The following PAX8 variants were observed in gnomAD, a reference collection of about 807,000 sequenced individuals.
PAX8 encodes the protein paired box protein Pax-8.
In PAX8, 15 loss-of-function variants were observed where a neutral mutation model predicts 52.4. The observed-to-expected ratio is 0.29, with a 90% CI of 0.19 to 0.44. PAX8 has a LOEUF of 0.44. PAX8 is among the 20% of genes least tolerant of loss of function. PAX8 has a pLI of 1.00. For missense variants in PAX8, 554 were observed against 602.5 expected, an observed-to-expected ratio of 0.92 and a Z score of 0.84; for synonymous variants, 284 against 249.7, an observed-to-expected ratio of 1.14 and a Z score of -1.29.
chr2:113,236,721 C>G lies in PAX8; in HGVS notation c.778G>C (p.Gly260Arg), dbSNP rs747927240. The change falls in exon 8 of 12, where the codon GGC becomes CGC. Residue 260 changes from glycine to arginine, a missense_variant and splice_region_variant. Coordinates refer to ENST00000429538, the MANE Select transcript of PAX8 (RefSeq NM_003466.4). ...TTGAGCAAGGGCAGCGGGTAGAGGC[C>G]CTGGGGAGCAAAGAGAAGTCAGCGC... Reference protein sequence around the residue: ...ASPSHTKGEQGLYPLPLLNST... With the variant: ...ASPSHTKGEQRLYPLPLLNST... 6.4e-7 allele frequency: 1 copy of G among 1,561,120 alleles called. No individual in the cohort carries two copies. Among genetic ancestry groups the G allele is most frequent in the South Asian group, 1.2e-5 (1 of 84,812 alleles).
intron 11 of PAX8, among the ~76,000 whole-genome samples, chr2:113,219,481 G>A (rs951296750): frequency 6.6e-6 from 1 of 152,232 alleles, no homozygotes; most frequent in African/African-American, 2.4e-5. Context: ...CAAGAGAGGG[G>A]TGAAGAGAAG....
chr2:113,253,281 C>T (rs925116377), intron 2 of PAX8, among the ~76,000 whole-genome samples: 9 of 152,190 alleles, frequency 5.9e-5, no homozygotes, highest in Non-Finnish European at 2.9e-5. Context: ...ATCCTACACA[C>T]CCTTATTGTC....
chr2:113,218,713 T>C (rs1689111478), intron 11 of PAX8, 104 bp from the exon 12 acceptor site: 3 of 683,906 alleles, frequency 4.4e-6, no homozygotes, highest in Non-Finnish European at 5.1e-6. Flanking sequence ...CACAAGTTAA[T>C]CATTCATTTC....
chr2:113,245,055 T>TTGTTG (rs1691201655), intron 3 of PAX8, among the ~76,000 whole-genome samples: 1 of 150,932 alleles, frequency 6.6e-6, no homozygotes, highest in Non-Finnish European at 1.5e-5. Flanking sequence ...GTTTTTTTTT[T>TTGTTG]TTGTTTTTTG....
At chr2:113,245,112 G>A (rs1224362792) in intron 3 of PAX8, among the ~76,000 whole-genome samples, 2 of 151,414 alleles carry the variant, frequency 1.3e-5, no homozygotes, top group Admixed American at 1.3e-4. Context: ...AATGGGACAA[G>A]CTTGGCTCAC....
At chr2:113,228,619 C>T (rs1042669225) in intron 9 of PAX8, among the ~76,000 whole-genome samples, 2 of 152,222 alleles carry the variant, frequency 1.3e-5, no homozygotes, top group Admixed American at 6.5e-5. Flanking sequence ...AGGGCAAAAT[C>T]GCTGCTGGCT....
intron 2 of PAX8, among the ~76,000 whole-genome samples, chr2:113,247,156 T>G (rs1008449325): frequency 1.3e-5 from 2 of 152,240 alleles, no homozygotes; most frequent in African/African-American, 4.8e-5. Flanking sequence ...AGGAGCACCT[T>G]GGGCTTGGGG....
At chr2:113,220,895 A>G (rs960943663) in intron 10 of PAX8, among the ~76,000 whole-genome samples, 1 of 152,112 alleles carries the variant, frequency 6.6e-6, no homozygotes, top group Non-Finnish European at 1.5e-5. Flanking sequence ...AAATCAGATC[A>G]CCTCCTTCTG....
At chr2:113,226,642 A>C in intron 10 of PAX8, 1 of 1,099,186 alleles carries the variant, frequency 9.1e-7, no homozygotes, top group Admixed American at 4.3e-5. Context: ...GATGTGAAGC[A>C]TATATTTCAT....
chr2:113,248,205 CAG>C (rs1203678230), intron 2 of PAX8, among the ~76,000 whole-genome samples: 1 of 152,206 alleles, frequency 6.6e-6, no homozygotes, highest in African/African-American at 2.4e-5. Context: ...GACTGGGGCT[CAG>C]AGAGTTTTAG....
intron 7 of PAX8, chr2:113,237,402 A>G (rs1320598037): frequency 1.3e-5 from 2 of 152,150 alleles, no homozygotes; most frequent in Admixed American, 6.5e-5. Flanking sequence ...AATTTTGTAT[A>G]GTGAAACAGA....
intron 3 of PAX8, 130 bp downstream of exon 3, chr2:113,246,624 C>T: frequency 9.7e-7 from 1 of 1,034,292 alleles, no homozygotes; most frequent in Admixed American, 1.8e-5. Flanking sequence ...CTGTTCAGGT[C>T]TCAGGACCAA....
chr2:113,234,817 C>T (rs541143499), intron 9 of PAX8, among the ~76,000 whole-genome samples: 2 of 152,326 alleles, frequency 1.3e-5, no homozygotes, highest in Admixed American at 6.5e-5. Context: ...CTCGCCCGGT[C>T]GGTGCTTCCA....
At chr2:113,277,516 C>A (rs1693906495) in intron 2 of PAX8, among the ~76,000 whole-genome samples, 1 of 152,230 alleles carries the variant, frequency 6.6e-6, no homozygotes. Context: ...GCCCTGGCCC[C>A]ATAAATCGCC....
At chr2:113,222,312 G>T (rs1320705081) in intron 10 of PAX8, among the ~76,000 whole-genome samples, 6 of 152,210 alleles carry the variant, frequency 3.9e-5, no homozygotes, top group African/African-American at 1.4e-4. Flanking sequence ...GAGGACAAGG[G>T]AGAGAGGTGG....
chr2:113,224,199 A>G (rs1398818502), intron 10 of PAX8, among the ~76,000 whole-genome samples: 1 of 152,164 alleles, frequency 6.6e-6, no homozygotes, highest in African/African-American at 2.4e-5. Context: ...TGATGGAAAG[A>G]TGGATGGATG....
chr2:113,277,347 G>C (rs1003422538), intron 2 of PAX8, among the ~76,000 whole-genome samples: 2 of 152,242 alleles, frequency 1.3e-5, no homozygotes, highest in Non-Finnish European at 2.9e-5. Flanking sequence ...CCCGCAGTGC[G>C]CTTGGCTAAA....
At chr2:113,241,514 G>C (rs1309313882) in intron 7 of PAX8, 37 bp downstream of exon 7, 2 of 1,565,420 alleles carry the variant, frequency 1.3e-6, no homozygotes, top group Non-Finnish European at 1.7e-6. Flanking sequence ...TCTGGCCCTT[G>C]CCCACCCTGT....
At chr2:113,278,613 C>T (rs1693996714) in intron 1 of PAX8, 144 bp from the exon 2 acceptor site, 5 of 769,196 alleles carry the variant, frequency 6.5e-6, no homozygotes, top group South Asian at 5.5e-5. Context: ...CCAACCTCAG[C>T]CTAGCCTAGC....
Sources: allele counts gnomAD v4.1 joint callset (sites outside exome capture counted in the v4.1 genomes callset), GRCh38; gene constraint gnomAD v4.1.1; transcripts MANE v1.5; gene names NCBI Gene and HGNC (gene_info 2026-07-23, HGNC 2026-07-21).